The following NLGN1 variants were observed in gnomAD, a reference collection of about 807,000 sequenced individuals.
NLGN1 encodes neuroligin-1.
A neutral mutation model predicts 65.5 loss-of-function variants in NLGN1; 12 were observed. That is an observed-to-expected ratio of 0.18 (90% confidence interval 0.12 to 0.30). NLGN1 has a LOEUF of 0.30. Ranked by LOEUF, NLGN1 falls within the 10% of genes least tolerant of loss-of-function variation. NLGN1 has a pLI of 1.00. For synonymous variants in NLGN1, 350 were observed against 359.5 expected (o/e 0.97, Z 0.30); for missense variants, 750 against 1,007.1 (o/e 0.74, Z 3.46).
intron 3 of NLGN1, among the ~76,000 whole-genome samples, chr3:173,711,341 A>C (rs1407991681): frequency 6.6e-6 from 1 of 152,166 alleles, no homozygotes; most frequent in African/African-American, 2.4e-5. Flanking sequence ...AGTTGTTTTC[A>C]GTTCAGGGAG....
downstream of NLGN1, among the ~76,000 whole-genome samples, chr3:174,288,620 A>G (rs1368380741): frequency 6.6e-6 from 1 of 151,442 alleles, no homozygotes; most frequent in Non-Finnish European, 1.5e-5. Context: ...CTTGAAATAC[A>G]AAATAGTTCA....
intron 2 of NLGN1, among the ~76,000 whole-genome samples, chr3:173,556,271 A>G (rs187430869): frequency 6.6e-6 from 1 of 152,236 alleles, no homozygotes; most frequent in African/African-American, 2.4e-5. Flanking sequence ...TTTAAAGATT[A>G]ATTTCTGTGT....
chr3:173,534,316 A>G (rs948678103), intron 2 of NLGN1, among the ~76,000 whole-genome samples: 1 of 152,206 alleles, frequency 6.6e-6, no homozygotes, highest in African/African-American at 2.4e-5. Flanking sequence ...TCTTGAAATT[A>G]TAAATCATGT....
intron 3 of NLGN1, among the ~76,000 whole-genome samples, chr3:173,650,904 T>G (rs1759058767): frequency 6.6e-6 from 1 of 151,978 alleles, no homozygotes. Flanking sequence ...TGGAGGGATT[T>G]TCTAACTCCT....
At chr3:173,747,283 A>C (rs1462357251) in intron 3 of NLGN1, among the ~76,000 whole-genome samples, 1 of 142,598 alleles carries the variant, frequency 7.0e-6, no homozygotes, top group African/African-American at 2.6e-5. Context: ...AAGTATATAT[A>C]TTTAAATATA....
intron 3 of NLGN1, among the ~76,000 whole-genome samples, chr3:173,633,482 C>CTGA (rs1330535916): frequency 2.0e-5 from 3 of 152,220 alleles, no homozygotes; most frequent in African/African-American, 7.2e-5. Flanking sequence ...GTGTTTACAA[C>CTGA]TGATCTTTAA....
intron 3 of NLGN1, among the ~76,000 whole-genome samples, chr3:173,740,168 A>G (rs1463723573): frequency 6.6e-6 from 1 of 152,134 alleles, no homozygotes; most frequent in Non-Finnish European, 1.5e-5. Flanking sequence ...AACATAAAAC[A>G]TAAAGGACAG....
At chr3:173,650,145 T>C (rs1279535826) in intron 3 of NLGN1, among the ~76,000 whole-genome samples, 1 of 152,068 alleles carries the variant, frequency 6.6e-6, no homozygotes, top group Non-Finnish European at 1.5e-5. Flanking sequence ...TTGATTTTTT[T>C]TAACTTAATA....
At chr3:173,532,378 G>A (rs1202471113) in intron 2 of NLGN1, among the ~76,000 whole-genome samples, 1 of 152,164 alleles carries the variant, frequency 6.6e-6, no homozygotes, top group African/African-American at 2.4e-5. Context: ...AAGGATAATT[G>A]TAATTACCTT....
chr3:173,638,827 C>T (rs1466393362), intron 3 of NLGN1, among the ~76,000 whole-genome samples: 2 of 151,976 alleles, frequency 1.3e-5, no homozygotes, highest in Non-Finnish European at 2.9e-5. Context: ...GGAAAGAATT[C>T]CTTTCATGTA....
intron 4 of NLGN1, among the ~76,000 whole-genome samples, chr3:173,896,448 G>C (rs1039219990): frequency 6.6e-6 from 1 of 152,176 alleles, no homozygotes; most frequent in African/African-American, 2.4e-5. Context: ...TGCAGTGTCT[G>C]TGAAAAGGCT....
chr3:173,660,680 T>G (rs1227990966), intron 3 of NLGN1, among the ~76,000 whole-genome samples: 1 of 151,914 alleles, frequency 6.6e-6, no homozygotes, highest in East Asian at 1.9e-4. Context: ...TGCTTTAATG[T>G]ATTACTTCTT....
intron 4 of NLGN1, among the ~76,000 whole-genome samples, chr3:174,178,491 C>T (rs73036592): frequency 0.015 from 2,276 of 152,134 alleles, 55 homozygotes; most frequent in African/African-American, 0.052. Context: ...TGCAAATCTC[C>T]CATTAGGAGC....
intron 3 of NLGN1, among the ~76,000 whole-genome samples, chr3:173,747,795 C>CTTCT (rs1560289220): frequency 1.5e-4 from 12 of 78,570 alleles, no homozygotes; most frequent in African/African-American, 7.5e-4. Flanking sequence ...TCTTCTTCTT[C>CTTCT]TTGTTCTTTT....
intron 2 of NLGN1, among the ~76,000 whole-genome samples, chr3:173,491,214 T>C (rs1218288918): frequency 6.6e-6 from 1 of 151,896 alleles, no homozygotes; most frequent in Admixed American, 6.6e-5. Flanking sequence ...CCATTCAGTA[T>C]GATATTGGCT....
At chr3:173,628,528 A>G (rs1755156271) in intron 3 of NLGN1, among the ~76,000 whole-genome samples, 1 of 152,226 alleles carries the variant, frequency 6.6e-6, no homozygotes, top group South Asian at 2.1e-4. Context: ...TATTAAATCA[A>G]TATGTTAAAC....
Position 173,771,283 on chromosome 3 carries a change from CA to C in NLGN1, c.494-36394del, listed in dbSNP as rs542645766. On this transcript the variant is annotated intron_variant, in intron 3 of 6. Coordinates refer to ENST00000457714, the Ensembl canonical transcript of NLGN1. ...AATTTTTGTGCATAGTAGGTTCTTT[CA>C]AATAACATCTGTAGAATCAAACTAA... Among the ~76,000 whole-genome samples the C allele has an allele frequency of 1.0e-3, 152 of 152,238 alleles. 1 individual carries two copies. Among genetic ancestry groups the C allele is most frequent in the Non-Finnish European group, 1.9e-3 (131 of 68,012 alleles).
At chr3:173,925,338 A>T (rs1742806234) in intron 4 of NLGN1, among the ~76,000 whole-genome samples, 1 of 152,190 alleles carries the variant, frequency 6.6e-6, no homozygotes, top group Non-Finnish European at 1.5e-5. Context: ...GAGGAAAAAA[A>T]ATAGTTCATT....
At chr3:173,580,407 A>T (rs1014187691) in intron 2 of NLGN1, among the ~76,000 whole-genome samples, 1 of 152,006 alleles carries the variant, frequency 6.6e-6, no homozygotes, top group Non-Finnish European at 1.5e-5. Flanking sequence ...TATTATTCAT[A>T]CTAATTTTTA....
Sources: allele counts gnomAD v4.1 joint callset (sites outside exome capture counted in the v4.1 genomes callset), GRCh38; gene constraint gnomAD v4.1.1; transcripts MANE v1.5; gene names NCBI Gene and HGNC (gene_info 2026-07-23, HGNC 2026-07-21).